Variants in KSR1 observed in about 807,000 individuals in gnomAD.
KSR1 encodes kinase suppressor of ras 1, also known as kinase suppressor of ras.
KSR1 carries 35 observed loss-of-function variants against 92.9 expected under a neutral mutation model. That is an observed-to-expected ratio of 0.38 (90% CI 0.29 to 0.50). The LOEUF (loss-of-function observed/expected upper bound fraction) is 0.50, where lower values mean the gene tolerates loss of function less well. KSR1 is among the 20% of genes least tolerant of loss of function. The pLI, the probability that KSR1 is intolerant of heterozygous loss-of-function variation, is 0.94. For missense variants in KSR1, 972 were observed against 1,158.5 expected, an observed-to-expected ratio of 0.84 and a Z score of 2.34; for synonymous variants, 467 against 472.6, an observed-to-expected ratio of 0.99 and a Z score of 0.15.
At chr17:27,461,553 G>A (rs909901666) in intron 1 of KSR1, among the ~76,000 whole-genome samples, 10 of 152,354 alleles carry the variant, frequency 6.6e-5, no homozygotes, top group East Asian at 3.9e-4. Context: ...GGCTCCAGCC[G>A]TCTCTGAAGA....
At chr17:27,551,480 A>G (rs994857812) in intron 2 of KSR1, among the ~76,000 whole-genome samples, 5 of 152,192 alleles carry the variant, frequency 3.3e-5, no homozygotes, top group African/African-American at 4.8e-5. Context: ...TTCATTATAT[A>G]TAGATACTTT....
At chr17:27,513,772 A>G (rs1343525681) in intron 1 of KSR1, among the ~76,000 whole-genome samples, 2 of 152,200 alleles carry the variant, frequency 1.3e-5, no homozygotes, top group African/African-American at 4.8e-5. Context: ...AGAATACGGG[A>G]GTTGCATGTA....
At chr17:27,529,686 A>G (rs1364917788) in intron 1 of KSR1, among the ~76,000 whole-genome samples, 1 of 152,184 alleles carries the variant, frequency 6.6e-6, no homozygotes, top group Non-Finnish European at 1.5e-5. Flanking sequence ...TGAGATAAAC[A>G]TGTATATTTC....
chr17:27,583,242 TCCATTCC>T, intron 4 of KSR1, 137 bp downstream of exon 4: 1 of 638,356 alleles, frequency 1.6e-6, no homozygotes, highest in East Asian at 2.8e-5. Flanking sequence ...CATCTTTCAG[TCCATTCC>T]TCAGACTACT....
intron 15 of KSR1, among the ~76,000 whole-genome samples, chr17:27,608,713 G>T (rs2073832504): frequency 6.6e-6 from 1 of 152,156 alleles, no homozygotes; most frequent in Non-Finnish European, 1.5e-5. Context: ...TCAGACATTA[G>T]GAGCACTCAA....
chr17:27,592,730 A>G lies in KSR1; in HGVS notation c.1299+104A>G, dbSNP rs1006065643. The G allele has an allele frequency of 3.0e-5, 27 of 886,406 alleles. No individual in the cohort carries two copies. In the African/African-American group the frequency reaches 3.9e-4, roughly 13 times the overall value. 54.9% of individuals were successfully genotyped at this position (886,406 alleles called of 1,614,324 possible). ...CAGTGGGGAAGTTTGGCATGACACC[A>G]CCGTCTCAGATTTGTGGCCAGAGGG... On this transcript the variant is annotated intron_variant, in intron 9 of 20. Coordinates refer to ENST00000644974, the MANE Select transcript of KSR1 (RefSeq NM_001394583.1).
At chr17:27,554,559 A>G (rs2071521454) in intron 2 of KSR1, among the ~76,000 whole-genome samples, 1 of 152,224 alleles carries the variant, frequency 6.6e-6, no homozygotes, top group African/African-American at 2.4e-5. Context: ...GTGAGAATCT[A>G]ATGCCTGATG....
chr17:27,533,729 A>G (rs1321068520), intron 1 of KSR1, among the ~76,000 whole-genome samples: 4 of 152,174 alleles, frequency 2.6e-5, no homozygotes, highest in East Asian at 1.9e-4. Context: ...CGTTGAATCT[A>G]TGGATGCAGA....
intron 1 of KSR1, among the ~76,000 whole-genome samples, chr17:27,541,998 T>G (rs1289674497): frequency 6.6e-6 from 1 of 152,204 alleles, no homozygotes; most frequent in Non-Finnish European, 1.5e-5. Flanking sequence ...ACACAGTACA[T>G]CCCATCAGAA....
At chr17:27,560,587 C>T (rs1200064043) in intron 2 of KSR1, 4 of 481,342 alleles carry the variant, frequency 8.3e-6, no homozygotes, top group East Asian at 5.6e-5. Flanking sequence ...CTCCTGCCAC[C>T]ATTTTGGTTT....
intron 1 of KSR1, among the ~76,000 whole-genome samples, chr17:27,509,540 C>T (rs766710536): frequency 4.6e-5 from 7 of 151,718 alleles, no homozygotes; most frequent in Non-Finnish European, 7.4e-5. Flanking sequence ...CTGCCCACCT[C>T]GGCCTCCCAA....
intron 1 of KSR1, among the ~76,000 whole-genome samples, chr17:27,525,805 C>A (rs968549128): frequency 2.0e-5 from 3 of 152,180 alleles, no homozygotes; most frequent in Admixed American, 1.3e-4. Context: ...GCCAAGGACA[C>A]CCCGGGTAGT....
At chr17:27,525,785 G>A (rs1290912121) in intron 1 of KSR1, among the ~76,000 whole-genome samples, 1 of 152,216 alleles carries the variant, frequency 6.6e-6, no homozygotes, top group Non-Finnish European at 1.5e-5. Flanking sequence ...AAGAGGATGA[G>A]GTAGTTGGGG....
chr17:27,600,107 TTTTTTTGG>T (rs1230213071), intron 10 of KSR1, among the ~76,000 whole-genome samples: 2 of 149,552 alleles, frequency 1.3e-5, no homozygotes, highest in African/African-American at 4.9e-5. Flanking sequence ...TTTTTTTTTT[TTTTTTTGG>T]TAAGTAGAAC....
At position 27,577,999 on chromosome 17, in the gene KSR1, C is replaced by G; in HGVS notation, c.520+360C>G. The G allele has an allele frequency of 2.6e-6, 1 of 387,150 alleles. No homozygotes were observed. The highest frequency in any genetic ancestry group is 6.3e-5 in the East Asian group (1 of 15,780). 24.0% of individuals were successfully genotyped at this position (387,150 alleles called of 1,614,324 possible). On this transcript the variant is annotated intron_variant, in intron 3 of 20. Transcript: ENST00000644974. This position sits in a 1 kb window ranked among gnomAD's most constrained non-coding sequence, Gnocchi z 4.5. ...CCCTCTCCCCGTCTTCTCCTGTCCC[C>G]ATTGCTGGCTGGGTTCTGTGCTCAG... is the stretch of plus-strand genomic sequence containing the variant.
At chr17:27,463,124 A>G (rs2150903955) in intron 1 of KSR1, among the ~76,000 whole-genome samples, 1 of 152,344 alleles carries the variant, frequency 6.6e-6, no homozygotes, top group East Asian at 1.9e-4. Context: ...TTATGGCATC[A>G]TAACTCCCCC....
rs866157379 is a variant in KSR1 at position 27,564,748 on chromosome 17, C to A, written c.373-12744C>A. 2.6e-3 allele frequency among the ~76,000 whole-genome samples: 258 copies of A among 98,750 alleles called. 2 individuals are homozygous for A. The highest frequency in any genetic ancestry group is 2.7e-3 in the Non-Finnish European group (126 of 47,178). 64.8% of individuals were successfully genotyped at this position (98,750 alleles called of 152,430 possible). A position where few individuals can be genotyped will look rare whatever the true frequency, so the allele number is the denominator to read the frequency against. On this transcript the variant is annotated intron_variant, in intron 2 of 20. Coordinates refer to ENST00000644974, the MANE Select transcript of KSR1 (RefSeq NM_001394583.1). ...AAGAAGATGGAAGACCCCCCCCCCC[C>A]ACCTCCCCCACCCACAGTAGGCTCA...
At chr17:27,575,939 G>A (rs1183069125) in intron 2 of KSR1, among the ~76,000 whole-genome samples, 2 of 152,182 alleles carry the variant, frequency 1.3e-5, no homozygotes, top group Non-Finnish European at 2.9e-5. Flanking sequence ...GTGTAGGCCA[G>A]GCCTTCCTCT....
At chr17:27,584,052 T>C in intron 4 of KSR1, 1 of 868,888 alleles carries the variant, frequency 1.2e-6, no homozygotes, top group Non-Finnish European at 1.4e-6. Context: ...TAGATCATTG[T>C]CTTTTTTGTT....
Sources: gnomAD v4.1 joint callset for allele counts (sites outside exome capture counted in the v4.1 genomes callset) on GRCh38, gnomAD v4.1.1 for gene constraint, Gnocchi (gnomAD v3.1) non-coding constraint, MANE v1.5 for transcripts, NCBI Gene and HGNC (gene_info 2026-07-23, HGNC 2026-07-21) for gene names.